TENM2: variants seen among roughly 807,000 people sequenced by gnomAD.
TENM2 encodes teneurin-2.
TENM2 carries 52 observed loss-of-function variants against 245.2 expected under a neutral mutation model. That is an observed-to-expected ratio of 0.21 (90% confidence interval 0.17 to 0.27). The LOEUF (loss-of-function observed/expected upper bound fraction) is 0.27. TENM2 is among the 10% of genes least tolerant of loss of function. The pLI is 1.00. For synonymous variants in TENM2, 1,363 were observed against 1,438.9 expected, an observed-to-expected ratio of 0.95 and a Z score of 1.19; for missense variants, 3,046 against 3,666.8, an observed-to-expected ratio of 0.83 and a Z score of 4.37.
chr5:167,207,854 A>G, the TENM2 span, among the ~76,000 whole-genome samples: 1 of 152,166 alleles, frequency 6.6e-6, no homozygotes, highest in African/African-American at 2.4e-5. Context: ...CCCAAGTTCA[A>G]GTGATTCTCC....
intron 3 of TENM2, among the ~76,000 whole-genome samples, chr5:167,912,527 A>G (rs531397676): frequency 2.7e-5 from 4 of 150,806 alleles, no homozygotes; most frequent in African/African-American, 1.0e-4. Flanking sequence ...ATGTTAACTG[A>G]ATCAATTATA....
chr5:167,277,552 T>C, the TENM2 span, among the ~76,000 whole-genome samples: 4 of 152,162 alleles, frequency 2.6e-5, no homozygotes, highest in Admixed American at 2.6e-4. Flanking sequence ...TGATATACAC[T>C]CCATGGCCAC....
intron 3 of TENM2, among the ~76,000 whole-genome samples, chr5:167,899,044 G>T (rs1332343263): frequency 1.3e-5 from 2 of 152,074 alleles, no homozygotes; most frequent in Non-Finnish European, 2.9e-5. Flanking sequence ...AGAGAGGAAT[G>T]AAGGGAGGGG....
At chr5:168,191,438 G>A (rs1760950732) in intron 14 of TENM2, among the ~76,000 whole-genome samples, 1 of 152,150 alleles carries the variant, frequency 6.6e-6, no homozygotes, top group African/African-American at 2.4e-5. Context: ...AAGTCCAGAT[G>A]TCGATGGTGT....
chr5:167,266,349 A>G, the TENM2 span, among the ~76,000 whole-genome samples: 1 of 152,200 alleles, frequency 6.6e-6, no homozygotes, highest in Non-Finnish European at 1.5e-5. Flanking sequence ...AAATTTATTC[A>G]TCTATTTTTG....
chr5:167,629,048 C>T (rs1778698168), intron 2 of TENM2, among the ~76,000 whole-genome samples: 1 of 152,146 alleles, frequency 6.6e-6, no homozygotes, highest in Non-Finnish European at 1.5e-5. Context: ...GCTATATTAA[C>T]CCCCAAACAA....
chr5:168,161,308 G>A (rs368541583), intron 12 of TENM2, among the ~76,000 whole-genome samples: 28 of 152,258 alleles, frequency 1.8e-4, no homozygotes, highest in African/African-American at 6.7e-4. Context: ...AACAGAGATG[G>A]TGGCAGAGGT....
chr5:167,193,840 G>C, the TENM2 span, among the ~76,000 whole-genome samples: 2 of 151,944 alleles, frequency 1.3e-5, no homozygotes, highest in South Asian at 2.1e-4. Flanking sequence ...CAGATAATAG[G>C]TCAATTTGAG....
chr5:167,143,739 G>C, the TENM2 span, among the ~76,000 whole-genome samples: 1 of 152,132 alleles, frequency 6.6e-6, no homozygotes, highest in African/African-American at 2.4e-5. Flanking sequence ...TTGTGCAGCT[G>C]ATGCTAACTA....
chr5:167,550,745 T>A (rs1772884055), intron 2 of TENM2, among the ~76,000 whole-genome samples: 1 of 122,014 alleles, frequency 8.2e-6, no homozygotes, highest in Non-Finnish European at 1.7e-5. Flanking sequence ...TGTGTGTGTG[T>A]GTGTGATGGA....
the TENM2 span, among the ~76,000 whole-genome samples, chr5:167,013,230 C>T: frequency 6.6e-6 from 1 of 152,136 alleles, no homozygotes; most frequent in East Asian, 1.9e-4. Flanking sequence ...CTTATCCATC[C>T]TCCCCTTGTC....
At chr5:167,414,536 C>A (rs943217033) in intron 2 of TENM2, among the ~76,000 whole-genome samples, 1 of 151,890 alleles carries the variant, frequency 6.6e-6, no homozygotes, top group Admixed American at 6.6e-5. Flanking sequence ...TGATTTATGG[C>A]GTGATTTATG....
upstream of TENM2, among the ~76,000 whole-genome samples, chr5:167,279,909 C>T (rs1156835170): frequency 2.6e-5 from 4 of 152,116 alleles, no homozygotes; most frequent in African/African-American, 7.2e-5. Flanking sequence ...CTATTGAATG[C>T]GTTTTTCCTT....
At chr5:167,367,418 C>T (rs963500640) in intron 1 of TENM2, among the ~76,000 whole-genome samples, 1 of 152,046 alleles carries the variant, frequency 6.6e-6, no homozygotes, top group Non-Finnish European at 1.5e-5. Context: ...AATGCATGTA[C>T]ACTTACTCTG....
chr5:167,214,854 A>G, the TENM2 span, among the ~76,000 whole-genome samples: 2 of 152,280 alleles, frequency 1.3e-5, no homozygotes, highest in East Asian at 3.9e-4. Flanking sequence ...CTTTCCGCAT[A>G]TTGCCTGGAA....
intron 2 of TENM2, among the ~76,000 whole-genome samples, chr5:167,622,412 T>G (rs923439116): frequency 3.9e-5 from 6 of 152,150 alleles, no homozygotes; most frequent in African/African-American, 1.4e-4. Flanking sequence ...AACAATGAAT[T>G]GAGATTCAGG....
chr5:168,225,569 TG>T (rs752494506), intron 23 of TENM2, among the ~76,000 whole-genome samples: 73 of 152,180 alleles, frequency 4.8e-4, no homozygotes, highest in Non-Finnish European at 8.4e-4. Context: ...GAGACCAGAT[TG>T]GCCAACATGG....
At chr5:167,070,216 C>T in the TENM2 span, among the ~76,000 whole-genome samples, 1 of 151,308 alleles carries the variant, frequency 6.6e-6, no homozygotes, top group African/African-American at 2.4e-5. Context: ...CTCCCGGGTT[C>T]ACTCCATTCT....
intron 2 of TENM2, among the ~76,000 whole-genome samples, chr5:167,651,741 C>A (rs900822484): frequency 6.6e-6 from 1 of 152,106 alleles, no homozygotes; most frequent in Non-Finnish European, 1.5e-5. Flanking sequence ...GCTTTTGTGA[C>A]CTTGGACAAA....
Sources: allele counts gnomAD v4.1 joint callset (sites outside exome capture counted in the v4.1 genomes callset), GRCh38; gene constraint gnomAD v4.1.1; transcripts MANE v1.5; gene names NCBI Gene and HGNC (gene_info 2026-07-23, HGNC 2026-07-21).